Variants in SPON1 observed in about 807,000 individuals in gnomAD.
The protein encoded by SPON1 is spondin-1.
A neutral mutation model predicts 111.7 loss-of-function variants in SPON1; 52 were observed. That is an observed-to-expected ratio of 0.47 (90% CI 0.37 to 0.59). The LOEUF (loss-of-function observed/expected upper bound fraction) is 0.59. Among genes scored for constraint, SPON1 ranks in the 20% least tolerant of loss-of-function variants. The probability of loss-of-function intolerance (pLI) is 0.00; values close to 1 mark genes in which losing one functional copy is unlikely to be tolerated. For synonymous variants in SPON1, 410 were observed against 395.8 expected (o/e 1.04, Z -0.43); for missense variants, 957 against 1,068.5 (o/e 0.90, Z 1.46).
chr11:13,981,569 G>T (rs188375168), intron 1 of SPON1, among the ~76,000 whole-genome samples: 1 of 152,118 alleles, frequency 6.6e-6, no homozygotes, highest in South Asian at 2.1e-4. Context: ...CTTGTGATCC[G>T]CCCACCTCGG....
chr11:14,026,754 T>C (rs1326750920), intron 2 of SPON1, among the ~76,000 whole-genome samples: 1 of 151,854 alleles, frequency 6.6e-6, no homozygotes, highest in Non-Finnish European at 1.5e-5. Flanking sequence ...AGTTGGAGAG[T>C]CCTTCTCTTC....
intron 6 of SPON1, among the ~76,000 whole-genome samples, chr11:14,206,893 T>C (rs1591411149): frequency 6.6e-6 from 1 of 152,154 alleles, no homozygotes; most frequent in African/African-American, 2.4e-5. Flanking sequence ...TATTTTAAAA[T>C]TCATGTGAAA....
At chr11:14,237,325 C>T (rs1452882732) in intron 6 of SPON1, among the ~76,000 whole-genome samples, 3 of 152,186 alleles carry the variant, frequency 2.0e-5, no homozygotes, top group African/African-American at 7.2e-5. Flanking sequence ...AGAGGGAACC[C>T]CAGTGATCCT....
chr11:14,147,787 G>A (rs1429846590), intron 6 of SPON1, among the ~76,000 whole-genome samples: 1 of 126,474 alleles, frequency 7.9e-6, no homozygotes, highest in Non-Finnish European at 1.7e-5. Flanking sequence ...GCTAAACAAA[G>A]GGCTAATTTT....
At chr11:14,265,110 C>A (rs1564945490) in intron 15 of SPON1, among the ~76,000 whole-genome samples, 1 of 152,154 alleles carries the variant, frequency 6.6e-6, no homozygotes, top group Non-Finnish European at 1.5e-5. Context: ...TTGGACCAGA[C>A]CAGCCTCACC....
intron 2 of SPON1, among the ~76,000 whole-genome samples, chr11:14,029,247 A>G (rs1848541054): frequency 6.6e-6 from 1 of 152,128 alleles, no homozygotes; most frequent in African/African-American, 2.4e-5. Context: ...TACCCTGGAT[A>G]CCAGTCTGTA....
chr11:14,211,288 G>C (rs181229531), intron 6 of SPON1, among the ~76,000 whole-genome samples: 54 of 152,188 alleles, frequency 3.5e-4, no homozygotes, highest in Admixed American at 1.3e-3. Context: ...AAAGTCTCAG[G>C]ATACAAAATC....
At chr11:14,218,226 G>A (rs1010887452) in intron 6 of SPON1, among the ~76,000 whole-genome samples, 17 of 151,980 alleles carry the variant, frequency 1.1e-4, no homozygotes, top group Admixed American at 2.6e-4. Flanking sequence ...GGAGATAGGC[G>A]ACCTGGAAAA....
intron 2 of SPON1, among the ~76,000 whole-genome samples, chr11:14,004,184 C>T (rs1413977605): frequency 1.3e-5 from 2 of 152,094 alleles, no homozygotes; most frequent in African/African-American, 4.8e-5. Context: ...CACACACACA[C>T]GTGTACATGT....
At chr11:14,133,758 G>T (rs1408053866) in intron 5 of SPON1, among the ~76,000 whole-genome samples, 6 of 152,216 alleles carry the variant, frequency 3.9e-5, no homozygotes, top group African/African-American at 1.4e-4. Context: ...TAGAGAAACG[G>T]CTGGCAGCAT....
At chr11:13,993,662 C>T (rs1357590797) in intron 2 of SPON1, among the ~76,000 whole-genome samples, 2 of 152,160 alleles carry the variant, frequency 1.3e-5, no homozygotes, top group East Asian at 1.9e-4. Context: ...TTGCCACCTG[C>T]CATGCTATTT....
At chr11:13,989,008 T>C (rs1452467542) in intron 2 of SPON1, among the ~76,000 whole-genome samples, 2 of 152,322 alleles carry the variant, frequency 1.3e-5, no homozygotes, top group East Asian at 3.9e-4. Context: ...CCTGAAATTT[T>C]CTTTTTTTGT....
At chr11:14,012,754 T>G (rs1013643094) in intron 2 of SPON1, among the ~76,000 whole-genome samples, 9 of 152,098 alleles carry the variant, frequency 5.9e-5, no homozygotes, top group African/African-American at 2.2e-4. Context: ...TTTCTGCCTC[T>G]TTGTCTCCCT....
At position 14,125,670 on chromosome 11, in the gene SPON1, G is replaced by A. The variant is rs556565479; in HGVS notation, c.677-9750G>A. Among the ~76,000 whole-genome samples, 9 of 152,342 alleles carry A rather than the reference G, an allele frequency of 5.9e-5. No homozygotes were observed. In the South Asian group the frequency reaches 1.5e-3, roughly 25 times the overall value. On this transcript the variant is annotated intron_variant, in intron 5 of 15. Coordinates refer to ENST00000576479, the MANE Select transcript of SPON1 (RefSeq NM_006108.4). ...TGCTGCAGAATTGGGATTGGCAGGG[G>A]AATGCAGCCACTGGCCAGGAGATCC...
Position 14,209,503 on chromosome 11 carries a change from C to T in SPON1, c.826-33829C>T, listed in dbSNP as rs1037332115. ...TTCAATTCCCACTTATGAATGAGAACATACGGTCTTTGGTTTTCTGTTCCT... is the reference window on the plus strand; with the variant it reads ...TTCAATTCCCACTTATGAATGAGAATATACGGTCTTTGGTTTTCTGTTCCT... On this transcript the variant is annotated intron_variant, in intron 6 of 15. Transcript: ENST00000576479. 3.0e-4 allele frequency among the ~76,000 whole-genome samples: 46 copies of T among 152,072 alleles called. 1 individual carries two copies. The highest frequency in any genetic ancestry group is 9.9e-4 in the African/African-American group (41 of 41,380).
At chr11:14,064,527 G>A (rs530931209) in intron 3 of SPON1, among the ~76,000 whole-genome samples, 8 of 152,328 alleles carry the variant, frequency 5.3e-5, no homozygotes, top group African/African-American at 1.9e-4. Flanking sequence ...AGACCTGAAA[G>A]GTGGCTTGCA....
chr11:14,195,315 A>T (rs569191511), intron 6 of SPON1, among the ~76,000 whole-genome samples: 1 of 152,240 alleles, frequency 6.6e-6, no homozygotes, highest in South Asian at 2.1e-4. Flanking sequence ...ACCTTGCAAT[A>T]AAAGTGTCAG....
chr11:14,161,279 ATATATATT>A lies in SPON1; in HGVS notation c.825+25727_825+25734del, dbSNP rs1370654406. On this transcript the variant is annotated intron_variant, in intron 6 of 15. Transcript: ENST00000576479. ...TATATATTTATATATCTGTATATCT[ATATATATT>A]TATATATTTATATATATATTTTTTT... is the stretch of plus-strand genomic sequence containing the variant. 1.5e-4 allele frequency among the ~76,000 whole-genome samples: 8 copies of A among 53,296 alleles called. 2 individuals carry two copies. The highest frequency in any genetic ancestry group is 4.6e-4 in the Admixed American group (2 of 4,332). The allele number at this position is 53,296 out of a possible 152,430, so 35.0% of individuals were successfully genotyped here.
chr11:14,142,808 T>G (rs922622482), intron 6 of SPON1, among the ~76,000 whole-genome samples: 1 of 152,192 alleles, frequency 6.6e-6, no homozygotes, highest in Non-Finnish European at 1.5e-5. Context: ...GAAACTTTAT[T>G]GTAGAAAGAA....
Sources: allele counts gnomAD v4.1 joint callset (sites outside exome capture counted in the v4.1 genomes callset), GRCh38; gene constraint gnomAD v4.1.1; transcripts MANE v1.5; gene names NCBI Gene and HGNC (gene_info 2026-07-23, HGNC 2026-07-21).